ALDH3A1: variants seen among roughly 807,000 people sequenced by gnomAD.
The protein encoded by ALDH3A1 is aldehyde dehydrogenase, dimeric NADP-preferring.
Under a neutral mutation model 49.9 loss-of-function variants are expected in ALDH3A1, and 46 were observed. The observed-to-expected ratio is 0.92, with a 90% CI of 0.73 to 1.18. The LOEUF (loss-of-function observed/expected upper bound fraction) is 1.18. ALDH3A1 is among the 50% of genes most tolerant of loss of function. ALDH3A1 has a pLI of 0.00. For missense variants in ALDH3A1, 592 were observed against 611.8 expected (o/e 0.97, Z 0.34); for synonymous variants, 269 against 253.3 (o/e 1.06, Z -0.59).
In ALDH3A1 at chr17:19,744,903, C is replaced by G. The variant is rs917410422; in HGVS notation, c.162+65G>C. The G allele has an allele frequency of 3.3e-5, 21 of 630,660 alleles. 3 individuals carry two copies. Among genetic ancestry groups the G allele is most frequent in the African/African-American group, 1.7e-4 (8 of 48,460 alleles). 39.1% of individuals were successfully genotyped at this position (630,660 alleles called of 1,614,324 possible). On this transcript the variant is annotated intron_variant, in intron 2 of 10. Coordinates refer to ENST00000225740, the MANE Select transcript of ALDH3A1 (RefSeq NM_000691.5). ...CTCTCTGGGTCGCACTCTCCCCAGC[C>G]CCTCCCCCCACGCCCCATCGCATGG... is the stretch of plus-strand genomic sequence containing the variant.
chr17:19,747,549 T>A (rs1838344800), intron 1 of ALDH3A1, among the ~76,000 whole-genome samples: 1 of 152,234 alleles, frequency 6.6e-6, no homozygotes, highest in Non-Finnish European at 1.5e-5. Flanking sequence ...CTGTGGTCTC[T>A]GGGCTGGACG....
At chr17:19,746,316 C>T (rs558170234) in intron 1 of ALDH3A1, among the ~76,000 whole-genome samples, 1 of 152,018 alleles carries the variant, frequency 6.6e-6, no homozygotes, top group East Asian at 1.9e-4. Context: ...TTGAACCAAG[C>T]TGAGAGGAGG....
intron 1 of ALDH3A1, among the ~76,000 whole-genome samples, chr17:19,746,742 T>G (rs1219344438): frequency 6.6e-6 from 1 of 151,894 alleles, no homozygotes; most frequent in African/African-American, 2.4e-5. Flanking sequence ...TGTGCGTGTG[T>G]GTGTGGGCGT....
rs1463892674 is a variant in ALDH3A1 at position 19,743,341 on chromosome 17, C to A, written c.285G>T (p.Gln95His). 6.2e-6 allele frequency: 10 copies of A among 1,614,146 alleles called. No individual in the cohort carries two copies. The highest frequency in any genetic ancestry group is 8.5e-6 in the Non-Finnish European group (10 of 1,180,026). The change falls in exon 3 of 11, where the codon CAG (glutamine) becomes CAT (histidine). Residue 95 changes from glutamine to histidine, a missense_variant. Gln to His is a conservative substitution (Grantham distance 24). Coordinates refer to ENST00000225740, the MANE Select transcript of ALDH3A1 (RefSeq NM_000691.5). This position sits in a 1 kb window ranked among gnomAD's most constrained non-coding sequence, Gnocchi z 4.4. ...GCTCCGAGTGGATGTAGAGCTCGTCCTGCTGAGTCTGGGGCGTCTTCTCCA... is the reference window on the plus strand; with the variant it reads ...GCTCCGAGTGGATGTAGAGCTCGTCATGCTGAGTCTGGGGCGTCTTCTCCA... ...EPVEKTPQTQQDELYIHSEPL... is the reference protein window; with the variant it reads ...EPVEKTPQTQHDELYIHSEPL...
chr17:19,745,361 G>T (rs570805569), intron 1 of ALDH3A1: 25 of 509,276 alleles, frequency 4.9e-5, no homozygotes, highest in African/African-American at 4.4e-4. Context: ...GCCGCAACCC[G>T]AGTCCTAAGC....
rs2086506417 is a variant in ALDH3A1, at chr17:19,742,142, A to T, written c.551T>A (p.Ile184Asn). 1 of 1,614,028 alleles carries T rather than the reference A, an allele frequency of 6.2e-7. No individual in the cohort carries two copies. The highest frequency in any genetic ancestry group is 1.7e-5 in the Admixed American group (1 of 60,012). Residue 184 changes from isoleucine to asparagine, a missense_variant, in exon 5 of 11, where the codon ATC becomes AAC. Coordinates refer to ENST00000225740, the MANE Select transcript of ALDH3A1 (RefSeq NM_000691.5). The stretch of plus-strand genomic sequence containing the variant: ...CACCCCCGTGCTGCCCGTGTACAGG[A>T]TATGGTCGAACCTCTCCTTGAGCAG... ...TELLKERFDHILYTGSTGVGK... is the reference protein window; with the variant it reads ...TELLKERFDHNLYTGSTGVGK...
chr17:19,746,853 A>G (rs2086608536), intron 1 of ALDH3A1, among the ~76,000 whole-genome samples: 1 of 152,242 alleles, frequency 6.6e-6, no homozygotes, highest in African/African-American at 2.4e-5. Context: ...CCTCTTATGC[A>G]ATGTTTGACT....
rs374984769 is a variant in ALDH3A1, at chr17:19,748,061, TC to T, written c.-6+197del. 2.0e-4 allele frequency: 48 copies of T among 238,140 alleles called. No homozygotes were observed. Among genetic ancestry groups the T allele is most frequent in the African/African-American group, 1.0e-3 (46 of 45,226 alleles). The allele number at this position is 238,140 out of a possible 1,614,324, so 14.8% of individuals were successfully genotyped here. A position where few individuals can be genotyped will look rare whatever the true frequency, so the allele number is the denominator to read the frequency against. On this transcript the variant is annotated intron_variant, in intron 1 of 10. Coordinates refer to ENST00000225740, the MANE Select transcript of ALDH3A1 (RefSeq NM_000691.5). This position sits in a 1 kb window ranked among gnomAD's most constrained non-coding sequence, Gnocchi z 4.4. ...CACCTTGGTGTCCCTGCTCCGCGGA[TC>T]CCTGGGACCTCTGCCTCCTGGTTTG...
At chr17:19,741,266 G>A (rs753992411) in intron 5 of ALDH3A1, 56 bp from the exon 6 acceptor site, 89 of 1,488,036 alleles carry the variant, frequency 6.0e-5, no homozygotes, top group Middle Eastern at 2.3e-4. Flanking sequence ...GTTGCATCTC[G>A]TTTTGCAGAC....
chr17:19,741,954 T>C, intron 5 of ALDH3A1, 50 bp downstream of exon 5: 1 of 1,576,224 alleles, frequency 6.3e-7, no homozygotes. Context: ...TCATGTGTGC[T>C]TGGAAAGCAG....
chr17:19,742,913 G>T, intron 3 of ALDH3A1: 1 of 1,526,826 alleles, frequency 6.5e-7, no homozygotes. Context: ...GGCTCTGGGG[G>T]CCCGGTTGGT....
In ALDH3A1 at chr17:19,748,071, C is replaced by G. The variant is rs2086621866; in HGVS notation, c.-6+188G>C. On this transcript the variant is annotated intron_variant, in intron 1 of 10. Transcript: ENST00000225740. The surrounding 1 kb of genome is among the most constrained non-coding windows in gnomAD (Gnocchi z 4.4). ...TCCCTGCTCCGCGGATCCCTGGGACCTCTGCCTCCTGGTTTGGGGGATGGC... is the reference window on the plus strand; with the variant it reads ...TCCCTGCTCCGCGGATCCCTGGGACGTCTGCCTCCTGGTTTGGGGGATGGC... 8.0e-6 allele frequency: 2 copies of G among 249,744 alleles called. No homozygotes were observed. Among genetic ancestry groups the G allele is most frequent in the East Asian group, 8.7e-5 (1 of 11,468 alleles). 15.5% of individuals were successfully genotyped at this position (249,744 alleles called of 1,614,324 possible).
At chr17:19,741,862 T>G in intron 5 of ALDH3A1, 142 bp downstream of exon 5, 4 of 807,100 alleles carry the variant, frequency 5.0e-6, no homozygotes, top group Non-Finnish European at 7.9e-6. Context: ...CCTACCCCCA[T>G]GTAAGTTTCT....
chr17:19,742,459 G>T, intron 4 of ALDH3A1, 86 bp downstream of exon 4: 1 of 1,455,732 alleles, frequency 6.9e-7, no homozygotes, highest in Non-Finnish European at 9.4e-7. Flanking sequence ...CTTGCTGCAA[G>T]AATTCACTAT....
Position 19,745,339 on chromosome 17 carries a change from A to T in ALDH3A1, c.-5-205T>A, listed in dbSNP as rs922390051. On this transcript the variant is annotated intron_variant, in intron 1 of 10. Coordinates refer to ENST00000225740, the MANE Select transcript of ALDH3A1 (RefSeq NM_000691.5). ...CCTGGCTGCCTTGCTAGCCCCTGAG[A>T]AGGTGACACCCGCCGCAACCCGAGT... The T allele has an allele frequency of 1.5e-4, 79 of 541,634 alleles. 1 individual carries two copies. The highest frequency in any genetic ancestry group is 9.8e-4 in the Middle Eastern group (2 of 2,036). The allele number at this position is 541,634 out of a possible 1,614,324, so 33.6% of individuals were successfully genotyped here.
chr17:19,747,114 T>C (rs2086611289), intron 1 of ALDH3A1, among the ~76,000 whole-genome samples: 1 of 152,070 alleles, frequency 6.6e-6, no homozygotes, highest in Admixed American at 6.5e-5. Context: ...ATAGGGTATT[T>C]CCATTTTTTT....
At position 19,739,500 on chromosome 17, in the gene ALDH3A1, C is replaced by T; in HGVS notation, c.1116+8G>A. The T allele has an allele frequency of 6.2e-7, 1 of 1,605,204 alleles. No individual in the cohort carries two copies. On this transcript the variant is annotated splice_region_variant and intron_variant, in intron 8 of 10. Transcript: ENST00000225740. ...CCTGGCAGAGGGCACCCCAGGCCCA[C>T]CACCCACCTTGTCGTTGCTGGAGAA...
chr17:19,746,655 A>G (rs577605521), intron 1 of ALDH3A1, among the ~76,000 whole-genome samples: 67 of 119,038 alleles, frequency 5.6e-4, no homozygotes, highest in East Asian at 4.6e-3. Context: ...GTGTGTGTGC[A>G]TGTGTGTGTG....
chr17:19,743,518 G>C lies in ALDH3A1; in HGVS notation c.163-55C>G, dbSNP rs576909267. On this transcript the variant is annotated intron_variant, in intron 2 of 10. Coordinates refer to ENST00000225740, the MANE Select transcript of ALDH3A1 (RefSeq NM_000691.5). This position sits in a 1 kb window ranked among gnomAD's most constrained non-coding sequence, Gnocchi z 4.4. ...AGGGCCAGGGCCCGCCTGCAGCTGG[G>C]GCGAGTGGGGAGCCCCACTGCTCAG... 3.9e-6 allele frequency: 6 copies of C among 1,536,420 alleles called. No homozygotes were observed. The highest frequency in any genetic ancestry group is 5.3e-6 in the Non-Finnish European group (6 of 1,140,990).
Sources: allele counts gnomAD v4.1 joint callset (sites outside exome capture counted in the v4.1 genomes callset), GRCh38; gene constraint gnomAD v4.1.1; non-coding constraint Gnocchi (gnomAD v3.1); transcripts MANE v1.5; gene names NCBI Gene and HGNC (gene_info 2026-07-23, HGNC 2026-07-21).